RSRC1: variants seen among roughly 807,000 people sequenced by gnomAD.
RSRC1 encodes the protein serine/Arginine-related protein 53.
RSRC1 carries 39 observed loss-of-function variants against 49.1 expected under a neutral mutation model. The observed-to-expected ratio is 0.79, with a 90% CI of 0.61 to 1.04. The LOEUF (loss-of-function observed/expected upper bound fraction) is 1.04. RSRC1 is among the 50% of genes least tolerant of loss of function. The probability of loss-of-function intolerance (pLI) is 0.00; values close to 1 mark genes in which losing one functional copy is unlikely to be tolerated. For synonymous variants in RSRC1, 143 were observed against 130.8 expected, an observed-to-expected ratio of 1.09 and a Z score of -0.63; for missense variants, 388 against 402.4, an observed-to-expected ratio of 0.96 and a Z score of 0.31.
At chr3:158,255,370 A>G (rs1000922727) in intron 4 of RSRC1, among the ~76,000 whole-genome samples, 2 of 152,046 alleles carry the variant, frequency 1.3e-5, no homozygotes, top group African/African-American at 4.8e-5. Context: ...AGATCAGATC[A>G]TTGTAGATGT....
intron 4 of RSRC1, among the ~76,000 whole-genome samples, chr3:158,243,813 G>A (rs1723729925): frequency 1.3e-5 from 2 of 152,112 alleles, no homozygotes; most frequent in Non-Finnish European, 1.5e-5. Flanking sequence ...ATTGTGAATG[G>A]GAATTCATTC....
chr3:158,214,103 ATAAT>A (rs1327327519), intron 4 of RSRC1, among the ~76,000 whole-genome samples: 2 of 151,946 alleles, frequency 1.3e-5, no homozygotes, highest in Non-Finnish European at 2.9e-5. Context: ...TATATTAGGT[ATAAT>A]TAATCTAGAG....
intron 6 of RSRC1, among the ~76,000 whole-genome samples, chr3:158,376,855 T>C (rs76184710): frequency 0.25 from 33,329 of 134,110 alleles, 4,234 homozygotes; most frequent in South Asian, 0.32. Flanking sequence ...TTCAATTCTT[T>C]TACATTTTTT....
chr3:158,470,065 A>G (rs1190670119), intron 7 of RSRC1, among the ~76,000 whole-genome samples: 1 of 152,074 alleles, frequency 6.6e-6, no homozygotes, highest in African/African-American at 2.4e-5. Flanking sequence ...TAACATATTC[A>G]GAGATCATTA....
At chr3:158,216,207 C>T (rs698985) in intron 4 of RSRC1, among the ~76,000 whole-genome samples, 104,325 of 150,922 alleles carry the variant, frequency 0.69, 36,480 homozygotes, top group East Asian at 0.84. Context: ...CTGACTTTCT[C>T]AATTTTGTTT....
intron 5 of RSRC1, among the ~76,000 whole-genome samples, chr3:158,329,298 A>AG (rs1009901754): frequency 6.6e-6 from 1 of 152,228 alleles, no homozygotes; most frequent in African/African-American, 2.4e-5. Context: ...GTTCCTTTGG[A>AG]GGGGGAGAGG....
intron 2 of RSRC1, among the ~76,000 whole-genome samples, chr3:158,122,633 G>A (rs950607295): frequency 6.6e-6 from 1 of 151,566 alleles, no homozygotes; most frequent in Admixed American, 6.6e-5. Context: ...ACAACATGCA[G>A]GTTTGTTACA....
intron 7 of RSRC1, among the ~76,000 whole-genome samples, chr3:158,511,636 C>G (rs1460713600): frequency 2.0e-5 from 3 of 152,048 alleles, no homozygotes; most frequent in African/African-American, 7.2e-5. Context: ...GGCTATATAC[C>G]CAGTAATAGG....
chr3:158,336,977 C>T (rs553927423), intron 5 of RSRC1, among the ~76,000 whole-genome samples: 3 of 152,244 alleles, frequency 2.0e-5, no homozygotes, highest in East Asian at 1.9e-4. Context: ...CCGGCATAGC[C>T]GTGATAAGAG....
intron 5 of RSRC1, among the ~76,000 whole-genome samples, chr3:158,345,810 A>G (rs1730523646): frequency 6.7e-6 from 1 of 148,512 alleles, no homozygotes; most frequent in African/African-American, 2.5e-5. Context: ...TGTATTACAC[A>G]CATATATATG....
chr3:158,153,739 C>T (rs1033301996), intron 3 of RSRC1, among the ~76,000 whole-genome samples: 5 of 152,170 alleles, frequency 3.3e-5, no homozygotes, highest in Non-Finnish European at 7.4e-5. Context: ...ATTATGTTCA[C>T]TGTGTCGAAC....
At chr3:158,342,314 T>C (rs554081933) in intron 5 of RSRC1, among the ~76,000 whole-genome samples, 55 of 152,282 alleles carry the variant, frequency 3.6e-4, no homozygotes, top group African/African-American at 1.3e-3. Context: ...AATTCCCACA[T>C]GTTGTTGGAG....
intron 4 of RSRC1, among the ~76,000 whole-genome samples, chr3:158,220,969 T>G (rs1197617621): frequency 6.6e-6 from 1 of 151,588 alleles, no homozygotes; most frequent in Non-Finnish European, 1.5e-5. Context: ...TCAAATAAAA[T>G]CAGGGTTTGA....
At chr3:158,330,584 T>A (rs1729486890) in intron 5 of RSRC1, among the ~76,000 whole-genome samples, 1 of 152,192 alleles carries the variant, frequency 6.6e-6, no homozygotes, top group African/African-American at 2.4e-5. Flanking sequence ...TAGAGTGACC[T>A]AACTAGTTCT....
At chr3:158,276,407 C>G in intron 4 of RSRC1, 1 of 760,026 alleles carries the variant, frequency 1.3e-6, no homozygotes, top group Non-Finnish European at 2.4e-6. Context: ...CCTGGATGTG[C>G]TTGTATGCAC....
intron 6 of RSRC1, among the ~76,000 whole-genome samples, chr3:158,409,458 CTATT>C (rs1237745791): frequency 2.6e-5 from 4 of 152,044 alleles, no homozygotes; most frequent in African/African-American, 9.7e-5. Context: ...TTTATTAAAT[CTATT>C]TATTTTCTTT....
intron 7 of RSRC1, chr3:158,496,455 A>G (rs1012031083): frequency 6.6e-6 from 1 of 152,466 alleles, no homozygotes; most frequent in Non-Finnish European, 1.5e-5. Flanking sequence ...AACCACTGGA[A>G]TAGACCTTCA....
intron 1 of RSRC1, among the ~76,000 whole-genome samples, 161 bp from the exon 2 acceptor site, chr3:158,121,942 T>C (rs1715286570): frequency 6.6e-6 from 1 of 152,048 alleles, no homozygotes; most frequent in South Asian, 2.1e-4. Flanking sequence ...GACTTCCAGG[T>C]TGCAGTGAGC....
chr3:158,367,828 A>C lies in RSRC1; in HGVS notation c.583+12920A>C, dbSNP rs1393752549. On this transcript the variant is annotated intron_variant, in intron 6 of 9. Coordinates refer to ENST00000611884, the MANE Select transcript of RSRC1 (RefSeq NM_001271838.2). The stretch of plus-strand genomic sequence containing the variant: ...TTTGATGTCAAATTGAATAGGTTTG[A>C]TACAAATCAAATTCCTAATGTTAAT... 2.6e-5 allele frequency among the ~76,000 whole-genome samples: 4 copies of C among 152,178 alleles called. No homozygotes were observed. The East Asian group carries it at 7.7e-4, about 29-fold the overall frequency.
Sources: allele counts gnomAD v4.1 joint callset (sites outside exome capture counted in the v4.1 genomes callset), GRCh38; gene constraint gnomAD v4.1.1; transcripts MANE v1.5; gene names NCBI Gene and HGNC (gene_info 2026-07-23, HGNC 2026-07-21).